OPCML: variants seen among roughly 807,000 people sequenced by gnomAD.
The protein encoded by OPCML is opioid-binding protein/cell adhesion molecule.
OPCML carries 13 observed loss-of-function variants against 37.8 expected under a neutral mutation model. That is an observed-to-expected ratio of 0.34 (90% confidence interval 0.22 to 0.55). The LOEUF is 0.55. Ranked by LOEUF, OPCML falls within the 20% of genes least tolerant of loss-of-function variation. The probability of loss-of-function intolerance (pLI) is 0.91; values close to 1 mark genes in which losing one functional copy is unlikely to be tolerated. For synonymous variants in OPCML, 176 were observed against 168.8 expected (o/e 1.04, Z -0.33); for missense variants, 341 against 435.6 (o/e 0.78, Z 1.93).
At chr11:133,059,318 C>T (rs1012918980) in intron 1 of OPCML, among the ~76,000 whole-genome samples, 1 of 152,168 alleles carries the variant, frequency 6.6e-6, no homozygotes, top group Non-Finnish European at 1.5e-5. Flanking sequence ...GAGTGTGATC[C>T]ACAAATCTCT....
chr11:132,804,182 T>C (rs1230533403), intron 2 of OPCML, among the ~76,000 whole-genome samples: 1 of 152,092 alleles, frequency 6.6e-6, no homozygotes, highest in African/African-American at 2.4e-5. Flanking sequence ...CCCAACCACA[T>C]TGCAGGAAGT....
intron 3 of OPCML, among the ~76,000 whole-genome samples, chr11:132,557,446 GC>G: frequency 6.6e-6 from 1 of 152,326 alleles, no homozygotes; most frequent in South Asian, 2.1e-4. Flanking sequence ...CTCTGTCGGT[GC>G]CCAACCCCCC....
intron 1 of OPCML, among the ~76,000 whole-genome samples, chr11:133,039,653 T>C (rs1947848689): frequency 6.6e-6 from 1 of 152,142 alleles, no homozygotes; most frequent in South Asian, 2.1e-4. Context: ...TGAATCCCAG[T>C]GGCCTCAGCC....
Position 132,807,748 on chromosome 11 carries a change from T to C in OPCML, c.146+135178A>G, listed in dbSNP as rs531764193. Among the ~76,000 whole-genome samples, 33 of 152,324 alleles carry C rather than the reference T, an allele frequency of 2.2e-4. No homozygotes were observed. The South Asian group carries it at 6.0e-3, about 28-fold the overall frequency. ...CATTCTTCTCTGGGACTCTTTTCTGTTAGATGCTCAGAATTTCCACTCCCA... is the reference window on the plus strand; with the variant it reads ...CATTCTTCTCTGGGACTCTTTTCTGCTAGATGCTCAGAATTTCCACTCCCA... On this transcript the variant is annotated intron_variant, in intron 2 of 7. Transcript: ENST00000524381.
chr11:132,852,282 T>G (rs1270782081), intron 2 of OPCML, among the ~76,000 whole-genome samples: 1 of 152,132 alleles, frequency 6.6e-6, no homozygotes, highest in Non-Finnish European at 1.5e-5. Flanking sequence ...TGAAAAAATT[T>G]TGTATGCTTT....
At chr11:132,515,113 C>T (rs1345510545) in intron 4 of OPCML, among the ~76,000 whole-genome samples, 7 of 152,140 alleles carry the variant, frequency 4.6e-5, no homozygotes, top group Non-Finnish European at 8.8e-5. Context: ...ATTGGAAAAG[C>T]AGGGGACTAG....
chr11:133,042,866 C>T (rs1410949000), intron 1 of OPCML, among the ~76,000 whole-genome samples: 1 of 152,092 alleles, frequency 6.6e-6, no homozygotes, highest in Non-Finnish European at 1.5e-5. Context: ...ACCCGAGACG[C>T]CTCCTCTATT....
chr11:132,835,750 C>T (rs1940966309), intron 2 of OPCML, among the ~76,000 whole-genome samples: 1 of 152,170 alleles, frequency 6.6e-6, no homozygotes, highest in Non-Finnish European at 1.5e-5. Flanking sequence ...TGCATTATGT[C>T]AAAGTCCAAG....
intron 4 of OPCML, among the ~76,000 whole-genome samples, chr11:132,487,679 T>C (rs932391087): frequency 5.3e-5 from 8 of 152,160 alleles, no homozygotes; most frequent in Non-Finnish European, 1.2e-4. Flanking sequence ...AAATATTCCC[T>C]GATCTTATTA....
At chr11:133,307,143 C>T (rs940365769) in intron 1 of OPCML, among the ~76,000 whole-genome samples, 4 of 152,100 alleles carry the variant, frequency 2.6e-5, no homozygotes, top group African/African-American at 9.7e-5. Context: ...TAGCACTTCA[C>T]AACATTTATA....
At chr11:132,815,078 T>C (rs1413778236) in intron 2 of OPCML, among the ~76,000 whole-genome samples, 1 of 152,194 alleles carries the variant, frequency 6.6e-6, no homozygotes, top group Non-Finnish European at 1.5e-5. Flanking sequence ...ATAAAACCCT[T>C]TGCTGTAAAG....
chr11:132,776,655 C>T (rs186359555), intron 2 of OPCML, among the ~76,000 whole-genome samples: 1 of 152,188 alleles, frequency 6.6e-6, no homozygotes, highest in Admixed American at 6.5e-5. Context: ...CTCCCTGAGG[C>T]CTCACCAGAA....
chr11:133,311,795 T>A (rs1183367237), intron 1 of OPCML, among the ~76,000 whole-genome samples: 2 of 151,916 alleles, frequency 1.3e-5, no homozygotes, highest in African/African-American at 4.8e-5. Flanking sequence ...CATAGAGAAA[T>A]TATTAAAGTA....
At chr11:133,088,645 A>G (rs186963827) in intron 1 of OPCML, among the ~76,000 whole-genome samples, 3 of 152,358 alleles carry the variant, frequency 2.0e-5, no homozygotes, top group Admixed American at 6.5e-5. Context: ...CAAATAGTGG[A>G]TTAATTATAT....
intron 4 of OPCML, among the ~76,000 whole-genome samples, chr11:132,524,022 C>A (rs192169123): frequency 1.3e-5 from 2 of 152,256 alleles, no homozygotes; most frequent in Admixed American, 6.5e-5. Context: ...AAACATCTAG[C>A]CTTTCCAAAT....
intron 1 of OPCML, among the ~76,000 whole-genome samples, chr11:133,344,213 C>T (rs1309017037): frequency 3.3e-5 from 5 of 152,204 alleles, no homozygotes; most frequent in African/African-American, 1.2e-4. Flanking sequence ...GAATAAGGGA[C>T]ACGATCTGGC....
chr11:133,126,977 T>G (rs987083107), intron 1 of OPCML, among the ~76,000 whole-genome samples: 2 of 152,152 alleles, frequency 1.3e-5, no homozygotes, highest in African/African-American at 4.8e-5. Flanking sequence ...GGATGGTACT[T>G]TAGATGGCAT....
chr11:133,370,161 T>C (rs956088337), intron 1 of OPCML, among the ~76,000 whole-genome samples: 3 of 152,186 alleles, frequency 2.0e-5, no homozygotes, highest in Admixed American at 2.0e-4. Flanking sequence ...GGATTAGGAA[T>C]GCTCAGACTA....
At chr11:133,006,292 G>T (rs1413855404) in intron 1 of OPCML, 1 of 512,472 alleles carries the variant, frequency 2.0e-6, no homozygotes, top group African/African-American at 2.1e-5. Flanking sequence ...TGGTGAGAGA[G>T]ATTCCCTGTT....
Sources: allele counts gnomAD v4.1 joint callset (sites outside exome capture counted in the v4.1 genomes callset), GRCh38; gene constraint gnomAD v4.1.1; transcripts MANE v1.5; gene names NCBI Gene and HGNC (gene_info 2026-07-23, HGNC 2026-07-21).